The following IL27RA variants were observed in gnomAD, a reference collection of about 807,000 sequenced individuals.
The protein encoded by IL27RA is interleukin 27 receptor subunit alpha.
Under a neutral mutation model 80.8 loss-of-function variants are expected in IL27RA, and 61 were observed. The ratio of observed to expected loss-of-function variants is 0.76; its 90% CI spans 0.61 to 0.93. IL27RA has a LOEUF of 0.93. Among genes scored for constraint, IL27RA ranks in the 40% least tolerant of loss-of-function variants. The pLI, the probability that IL27RA is intolerant of heterozygous loss-of-function variation, is 0.00. For synonymous variants in IL27RA, 316 were observed against 332.5 expected (o/e 0.95, Z 0.54); for missense variants, 735 against 808.1 (o/e 0.91, Z 1.10).
Position 14,052,109 on chromosome 19 carries a change from C to CG in IL27RA, c.1730_1731insG (p.Gln578ProfsTer33). 6.2e-7 allele frequency: 1 copy of CG among 1,613,160 alleles called. No individual in the cohort carries two copies. Among genetic ancestry groups the CG allele is most frequent in the Non-Finnish European group, 8.5e-7 (1 of 1,179,746 alleles). Reference sequence around the variant, plus strand: ...ATCTCTTCCCAGCAAGTACCTGAGGCCCAGCCCCTTGGGGACTTGCCCATC... The same window carrying CG: ...ATCTCTTCCCAGCAAGTACCTGAGGCGCCAGCCCCTTGGGGACTTGCCCATC... On this transcript the variant is annotated frameshift_variant, in exon 14 of 14. Transcript: ENST00000263379. LOFTEE classifies it low-confidence loss of function (END_TRUNC).
intron 6 of IL27RA, among the ~76,000 whole-genome samples, chr19:14,044,031 A>G (rs555922137): frequency 3.2e-4 from 47 of 146,110 alleles, no homozygotes; most frequent in Middle Eastern, 3.2e-3. Context: ...CTGGGCAACA[A>G]GAGCAAGACT....
At chr19:14,038,414 C>CA (rs765498219) in intron 2 of IL27RA, among the ~76,000 whole-genome samples, 61 of 152,010 alleles carry the variant, frequency 4.0e-4, no homozygotes, top group Admixed American at 1.1e-3. Context: ...CCCATTTCTA[C>CA]AAAAAATTTA....
chr19:14,036,258 A>G (rs1242649319), intron 2 of IL27RA, among the ~76,000 whole-genome samples: 1 of 152,010 alleles, frequency 6.6e-6, no homozygotes, highest in African/African-American at 2.4e-5. Context: ...CCCTCCCAAA[A>G]TAATGGAATT....
Position 14,046,911 on chromosome 19 carries a change from C to T in IL27RA, c.1141+293C>T, listed in dbSNP as rs188361136. ...ACTCGGGAGGCTGAGGCAGGAGAAT[C>T]GCTTGAACCTGGGAGGTGGAGGTTG... On this transcript the variant is annotated intron_variant, in intron 8 of 13. Transcript: ENST00000263379. 1.7e-4 allele frequency among the ~76,000 whole-genome samples: 26 copies of T among 151,884 alleles called. No individual in the cohort carries two copies. The East Asian group carries it at 4.7e-3, about 28-fold the overall frequency.
chr19:14,052,337 A>C lies in IL27RA; in HGVS notation c.*47A>C. On this transcript the variant is annotated 3_prime_UTR_variant, in exon 14 of 14. Transcript: ENST00000263379. Reference sequence around the variant, plus strand: ...TGCCAGCCAGGCTAGAGGGATGCTCATGCAGGTTGCACCCCAGTCCTGGAT... The same window carrying C: ...TGCCAGCCAGGCTAGAGGGATGCTCCTGCAGGTTGCACCCCAGTCCTGGAT... 2.5e-4 allele frequency: 354 copies of C among 1,391,244 alleles called. No homozygotes were observed. The highest frequency in any genetic ancestry group is 3.1e-4 in the Non-Finnish European group (323 of 1,049,556). 86.2% of individuals were successfully genotyped at this position (1,391,244 alleles called of 1,614,324 possible).
At chr19:14,034,411 G>A (rs1214693099) in intron 2 of IL27RA, among the ~76,000 whole-genome samples, 1 of 152,094 alleles carries the variant, frequency 6.6e-6, no homozygotes, top group East Asian at 1.9e-4. Context: ...TGTAATCCCA[G>A]CACTTTGGGA....
chr19:14,046,905 G>A (rs1976076370), intron 8 of IL27RA, among the ~76,000 whole-genome samples: 1 of 151,942 alleles, frequency 6.6e-6, no homozygotes, highest in Non-Finnish European at 1.5e-5. Flanking sequence ...GCTGAGGCAG[G>A]AGAATCGCTT....
intron 2 of IL27RA, among the ~76,000 whole-genome samples, chr19:14,036,830 T>G (rs899991700): frequency 5.4e-5 from 8 of 148,526 alleles, no homozygotes; most frequent in Non-Finnish European, 1.0e-4. Context: ...CCATCGTGTA[T>G]GTATACCACA....
In IL27RA at chr19:14,048,889, G is replaced by T; in HGVS notation, c.1142-92G>T. On this transcript the variant is annotated intron_variant, in intron 8 of 13. Coordinates refer to ENST00000263379, the MANE Select transcript of IL27RA (RefSeq NM_004843.4). ...CTTACAGTCAGATCCTTATCTCAGGGTGTCCTTCTGGGGACCCCAGTGAAG... is the reference window on the plus strand; with the variant it reads ...CTTACAGTCAGATCCTTATCTCAGGTTGTCCTTCTGGGGACCCCAGTGAAG... The T allele has an allele frequency of 5.7e-6, 6 of 1,049,384 alleles. No homozygotes were observed. The South Asian group carries it at 7.7e-5, about 13-fold the overall frequency. 65.0% of individuals were successfully genotyped at this position (1,049,384 alleles called of 1,614,324 possible). A position where few individuals can be genotyped will look rare whatever the true frequency, so the allele number is the denominator to read the frequency against.
intron 8 of IL27RA, 26 bp from the exon 9 acceptor site, chr19:14,048,955 C>G: frequency 6.3e-7 from 1 of 1,597,482 alleles, no homozygotes. Flanking sequence ...CCAACTCTAA[C>G]TGGTCTTTAT....
At chr19:14,045,360 C>T (rs547079617) in intron 6 of IL27RA, among the ~76,000 whole-genome samples, 11 of 150,518 alleles carry the variant, frequency 7.3e-5, no homozygotes, top group East Asian at 3.9e-4. Flanking sequence ...GAGGCCGAGA[C>T]GGGCGGATTT....
chr19:14,047,657 C>CTTT (rs757895872), intron 8 of IL27RA, among the ~76,000 whole-genome samples: 7 of 108,182 alleles, frequency 6.5e-5, no homozygotes, highest in African/African-American at 2.7e-4. Context: ...ATGCCTGGCC[C>CTTT]TTTTTTTTTT....
intron 12 of IL27RA, 90 bp downstream of exon 12, chr19:14,051,790 C>T: frequency 7.0e-7 from 1 of 1,420,186 alleles, no homozygotes; most frequent in Non-Finnish European, 9.8e-7. Context: ...AGGGAGGCCT[C>T]AGGGCGCAGT....
chr19:14,044,317 G>A (rs1381306845), intron 6 of IL27RA, among the ~76,000 whole-genome samples: 1 of 151,722 alleles, frequency 6.6e-6, no homozygotes, highest in Non-Finnish European at 1.5e-5. Flanking sequence ...TTGGCTCACC[G>A]CAACCTCCGC....
At chr19:14,046,991 A>G (rs554589944) in intron 8 of IL27RA, among the ~76,000 whole-genome samples, 77 of 151,804 alleles carry the variant, frequency 5.1e-4, no homozygotes, top group Non-Finnish European at 6.5e-4. Context: ...AGTGAGACTC[A>G]GTCTCAAAAA....
chr19:14,031,966 C>T lies in IL27RA; in HGVS notation c.94C>T (p.Pro32Ser), dbSNP rs1364569654. The change falls in exon 1 of 14, where the codon CCC (proline) becomes TCC (serine). Residue 32 changes from proline (P) to serine (S), a missense_variant. Coordinates refer to ENST00000263379, the MANE Select transcript of IL27RA (RefSeq NM_004843.4). ...GTGGGTGCTTTTCCAGCGGACGCGT[C>T]CCCAGGGTGAGTGCTGGAGGGAGCT... The part of the protein sequence containing the change: ...LLWVLFQRTR[P>S]QGSAGPLQCY... 2 of 1,609,240 alleles carry T rather than the reference C, an allele frequency of 1.2e-6. No homozygotes were observed. Among genetic ancestry groups the T allele is most frequent in the Admixed American group, 1.7e-5 (1 of 59,576 alleles).
intron 6 of IL27RA, among the ~76,000 whole-genome samples, chr19:14,044,805 G>A (rs1037119514): frequency 6.6e-6 from 1 of 151,594 alleles, no homozygotes; most frequent in African/African-American, 2.4e-5. Context: ...GGGCAACATA[G>A]CAAGCTACCC....
At chr19:14,050,482 A>G (rs1378137473) in intron 10 of IL27RA, among the ~76,000 whole-genome samples, 1 of 149,278 alleles carries the variant, frequency 6.7e-6, no homozygotes. Context: ...ATCCTGGGCA[A>G]CAGAGTGTTA....
chr19:14,052,569 C>T lies in IL27RA; in HGVS notation c.*279C>T. 2.7e-6 allele frequency: 1 copy of T among 364,058 alleles called. No individual in the cohort carries two copies. 22.6% of individuals were successfully genotyped at this position (364,058 alleles called of 1,614,324 possible). ...CCTGCCAAAATCTGTTCCGCTGTAA[C>T]AGAACTGAATTTGGACCCCAGCACA... On this transcript the variant is annotated 3_prime_UTR_variant, in exon 14 of 14. Coordinates refer to ENST00000263379, the MANE Select transcript of IL27RA (RefSeq NM_004843.4).
Sources: allele counts gnomAD v4.1 joint callset (sites outside exome capture counted in the v4.1 genomes callset), GRCh38; gene constraint gnomAD v4.1.1; transcripts MANE v1.5; gene names NCBI Gene and HGNC (gene_info 2026-07-23, HGNC 2026-07-21).